The following AGBL4 variants were observed in gnomAD, a reference collection of about 807,000 sequenced individuals.
The protein encoded by AGBL4 is AGBL carboxypeptidase 4.
Under a neutral mutation model 66.4 loss-of-function variants are expected in AGBL4, and 58 were observed. That is an observed-to-expected ratio of 0.87 (90% CI 0.71 to 1.09). The LOEUF (loss-of-function observed/expected upper bound fraction) is 1.09, where lower values mean the gene tolerates loss of function less well. Ranked by LOEUF, AGBL4 falls within the 50% of genes least tolerant of loss-of-function variation. The pLI is 0.00. For synonymous variants in AGBL4, 234 were observed against 222.9 expected (o/e 1.05, Z -0.44); for missense variants, 579 against 631.0 (o/e 0.92, Z 0.88).
intron 1 of AGBL4, among the ~76,000 whole-genome samples, chr1:49,895,776 T>C (rs537196630): frequency 3.3e-5 from 5 of 151,538 alleles, no homozygotes; most frequent in African/African-American, 1.2e-4. Flanking sequence ...GAGAATCACC[T>C]TCATGAAAAG....
At chr1:48,536,752 A>G (rs1643978091) in intron 12 of AGBL4, among the ~76,000 whole-genome samples, 1 of 152,164 alleles carries the variant, frequency 6.6e-6, no homozygotes, top group Non-Finnish European at 1.5e-5. Context: ...CTGTTTACCT[A>G]CAGAAGCACA....
At chr1:48,783,829 G>C (rs895782387) in intron 6 of AGBL4, among the ~76,000 whole-genome samples, 1 of 152,094 alleles carries the variant, frequency 6.6e-6, no homozygotes, top group African/African-American at 2.4e-5. Flanking sequence ...GAGCACCTCT[G>C]AGTTAGAAGA....
chr1:49,709,357 T>A (rs2124651534), intron 2 of AGBL4, among the ~76,000 whole-genome samples: 1 of 152,240 alleles, frequency 6.6e-6, no homozygotes, highest in African/African-American at 2.4e-5. Flanking sequence ...GTTTATACTG[T>A]GAGGGAAAAA....
intron 4 of AGBL4, among the ~76,000 whole-genome samples, chr1:49,227,939 C>G: frequency 6.6e-6 from 1 of 152,100 alleles, no homozygotes; most frequent in East Asian, 1.9e-4. Context: ...ACTCCCTGTC[C>G]CTTCCTTACA....
chr1:48,683,404 A>G (rs957366850), intron 6 of AGBL4, among the ~76,000 whole-genome samples: 1 of 152,178 alleles, frequency 6.6e-6, no homozygotes, highest in South Asian at 2.1e-4. Flanking sequence ...TCAGCTTTCA[A>G]CTGGACTGAC....
chr1:49,838,613 A>ATATTATTATT (rs1258584187), intron 2 of AGBL4, among the ~76,000 whole-genome samples: 1 of 152,236 alleles, frequency 6.6e-6, no homozygotes, highest in African/African-American at 2.4e-5. Flanking sequence ...TATTATAAAA[A>ATATTATTATT]TATTATTATT....
chr1:48,881,946 A>T (rs1649830558), intron 5 of AGBL4, among the ~76,000 whole-genome samples: 1 of 152,168 alleles, frequency 6.6e-6, no homozygotes, highest in Non-Finnish European at 1.5e-5. Context: ...GCTTTGCCTC[A>T]TGTTCAAAAG....
At chr1:49,735,383 G>GA (rs1649802591) in intron 2 of AGBL4, among the ~76,000 whole-genome samples, 1 of 150,092 alleles carries the variant, frequency 6.7e-6, no homozygotes, top group African/African-American at 2.5e-5. Flanking sequence ...CCTTTGAAGA[G>GA]AAAAGACCCA....
intron 5 of AGBL4, among the ~76,000 whole-genome samples, chr1:48,898,042 A>G (rs1651709615): frequency 6.6e-6 from 1 of 151,522 alleles, no homozygotes; most frequent in Non-Finnish European, 1.5e-5. Context: ...CGATCTCTTG[A>G]CCTCATGATC....
intron 6 of AGBL4, chr1:48,759,068 G>T: frequency 6.2e-7 from 1 of 1,613,252 alleles, no homozygotes; most frequent in Non-Finnish European, 8.5e-7. Flanking sequence ...TCTTCCTGTT[G>T]CTGCTGGTAG....
intron 11 of AGBL4, among the ~76,000 whole-genome samples, chr1:48,552,558 G>C (rs948715903): frequency 6.6e-6 from 1 of 152,148 alleles, no homozygotes; most frequent in African/African-American, 2.4e-5. Context: ...CTGTGTTGTG[G>C]GGGCAGCCCT....
At chr1:48,711,737 TCCC>T (rs1354473692) in intron 6 of AGBL4, among the ~76,000 whole-genome samples, 1 of 7,654 alleles carries the variant, frequency 1.3e-4, no homozygotes, top group Non-Finnish European at 1.0e-3. Context: ...CCCTTCCCTT[TCCC>T]CATAATTTCT....
intron 9 of AGBL4, among the ~76,000 whole-genome samples, chr1:48,592,555 T>C (rs1352338612): frequency 1.3e-5 from 2 of 152,222 alleles, no homozygotes; most frequent in Non-Finnish European, 2.9e-5. Context: ...GAATACACAA[T>C]GATTCAACAG....
chr1:49,300,005 T>C (rs934588622), intron 3 of AGBL4, among the ~76,000 whole-genome samples: 35 of 152,186 alleles, frequency 2.3e-4, no homozygotes, highest in African/African-American at 8.4e-4. Context: ...TTTGCTAATA[T>C]TTTGTTGATG....
At chr1:48,802,477 C>T (rs551154783) in intron 6 of AGBL4, among the ~76,000 whole-genome samples, 1 of 152,306 alleles carries the variant, frequency 6.6e-6, no homozygotes, top group East Asian at 1.9e-4. Flanking sequence ...TTAATCATTC[C>T]TTTCCTCTCA....
intron 2 of AGBL4, among the ~76,000 whole-genome samples, chr1:49,702,320 G>A (rs1427437095): frequency 1.3e-5 from 2 of 151,962 alleles, no homozygotes; most frequent in South Asian, 2.1e-4. Context: ...GTGAAAACTC[G>A]TCTCTACTAA....
At chr1:49,058,738 C>T (rs1644349879) in intron 4 of AGBL4, among the ~76,000 whole-genome samples, 1 of 152,112 alleles carries the variant, frequency 6.6e-6, no homozygotes, top group Admixed American at 6.5e-5. Context: ...TGGCTTTGGC[C>T]AAAATGCCAA....
At chr1:48,876,526 T>C (rs1162181801) in intron 5 of AGBL4, among the ~76,000 whole-genome samples, 4 of 152,124 alleles carry the variant, frequency 2.6e-5, no homozygotes, top group South Asian at 2.1e-4. Context: ...AAGAGACTGG[T>C]ATTTCAAGTG....
chr1:49,044,492 T>A, intron 5 of AGBL4, among the ~76,000 whole-genome samples: 1 of 149,930 alleles, frequency 6.7e-6, no homozygotes, highest in Non-Finnish European at 1.5e-5. Context: ...CAAGACTCCA[T>A]CTCAAAAAAA....
Sources: allele counts gnomAD v4.1 joint callset (sites outside exome capture counted in the v4.1 genomes callset), GRCh38; gene constraint gnomAD v4.1.1; transcripts MANE v1.5; gene names NCBI Gene and HGNC (gene_info 2026-07-23, HGNC 2026-07-21).